The following GOLM2 variants were observed in gnomAD, a reference collection of about 807,000 sequenced individuals.
GOLM2 encodes protein GOLM2.
In GOLM2, 26 loss-of-function variants were observed where a neutral mutation model predicts 55.9. The observed-to-expected ratio is 0.47, with a 90% CI of 0.34 to 0.65. The LOEUF is 0.65. Ranked by LOEUF, GOLM2 falls within the 30% of genes least tolerant of loss-of-function variation. The probability of loss-of-function intolerance (pLI) is 0.01; values close to 1 mark genes in which losing one functional copy is unlikely to be tolerated. For synonymous variants in GOLM2, 165 were observed against 194.6 expected (o/e 0.85, Z 1.27); for missense variants, 486 against 531.8 (o/e 0.91, Z 0.85).
intron 3 of GOLM2, among the ~76,000 whole-genome samples, chr15:44,330,988 G>GTTGGTGGGTTTTTTTGTTTTGTGTT (rs2079019251): frequency 6.6e-6 from 1 of 152,044 alleles, no homozygotes; most frequent in Non-Finnish European, 1.5e-5. Flanking sequence ...CATATAGGAA[G>GTTGGTGGGTTTTTTTGTTTTGTGTT]TTGGTGGGTT....
chr15:44,380,681 A>AT, intron 7 of GOLM2, 125 bp from the exon 8 acceptor site: 1 of 562,078 alleles, frequency 1.8e-6, no homozygotes, highest in Non-Finnish European at 2.7e-6. Flanking sequence ...AAAAAAAAAA[A>AT]GCTTTGTGGC....
chr15:44,305,420 C>T (rs1312037122), intron 1 of GOLM2, among the ~76,000 whole-genome samples: 2 of 151,372 alleles, frequency 1.3e-5, no homozygotes. Flanking sequence ...CCACTTCAGC[C>T]TCCGAGTAGC....
intron 1 of GOLM2, among the ~76,000 whole-genome samples, chr15:44,303,287 T>C (rs533411254): frequency 6.6e-6 from 1 of 152,188 alleles, no homozygotes; most frequent in Non-Finnish European, 1.5e-5. Context: ...CTACCACAGA[T>C]ATTATCCACA....
intron 6 of GOLM2, among the ~76,000 whole-genome samples, chr15:44,371,613 G>A (rs1460679466): frequency 1.3e-5 from 2 of 152,150 alleles, no homozygotes; most frequent in African/African-American, 2.4e-5. Context: ...TGTATTTAAT[G>A]TTTATGTTTC....
chr15:44,401,215 G>C (rs2079563071), intron 8 of GOLM2, among the ~76,000 whole-genome samples: 3 of 151,834 alleles, frequency 2.0e-5, no homozygotes, highest in African/African-American at 7.3e-5. Flanking sequence ...GACCTCAAAT[G>C]ATCCTCCTGC....
chr15:44,359,145 G>C (rs138688847), intron 6 of GOLM2, among the ~76,000 whole-genome samples: 2 of 151,528 alleles, frequency 1.3e-5, no homozygotes, highest in Admixed American at 6.6e-5. Flanking sequence ...GCGAGACTCT[G>C]TCTCAAAAAA....
chr15:44,359,753 G>C (rs2079223858), intron 6 of GOLM2, among the ~76,000 whole-genome samples: 1 of 152,152 alleles, frequency 6.6e-6, no homozygotes, highest in Non-Finnish European at 1.5e-5. Flanking sequence ...ATAATTGTCA[G>C]ATTCACCAAA....
intron 8 of GOLM2, among the ~76,000 whole-genome samples, chr15:44,384,946 G>T (rs2079432009): frequency 6.6e-6 from 1 of 150,722 alleles, no homozygotes; most frequent in Admixed American, 6.6e-5. Flanking sequence ...GTGACCTTTT[G>T]TGTCTGGCTT....
At chr15:44,314,735 G>T (rs984080767) in intron 1 of GOLM2, among the ~76,000 whole-genome samples, 1 of 152,086 alleles carries the variant, frequency 6.6e-6, no homozygotes, top group African/African-American at 2.4e-5. Context: ...CACCTACCAG[G>T]TCTAGTATAT....
chr15:44,363,577 C>T (rs1216250197), intron 6 of GOLM2, among the ~76,000 whole-genome samples: 7 of 152,150 alleles, frequency 4.6e-5, no homozygotes, highest in Non-Finnish European at 7.3e-5. Flanking sequence ...GAAATAGGAA[C>T]ACTTTTACAC....
intron 6 of GOLM2, among the ~76,000 whole-genome samples, chr15:44,358,143 C>T (rs2079210042): frequency 6.6e-6 from 1 of 152,158 alleles, no homozygotes; most frequent in Non-Finnish European, 1.5e-5. Context: ...CACCTGAGGC[C>T]AGGAGTTTGA....
At chr15:44,299,669 T>TA (rs1331760418) in intron 1 of GOLM2, among the ~76,000 whole-genome samples, 2 of 152,122 alleles carry the variant, frequency 1.3e-5, no homozygotes, top group Non-Finnish European at 2.9e-5. Flanking sequence ...ACCATTATGT[T>TA]ACCTCTCCTT....
intron 6 of GOLM2, among the ~76,000 whole-genome samples, chr15:44,339,411 T>G (rs1459424170): frequency 6.6e-6 from 1 of 152,104 alleles, no homozygotes; most frequent in Non-Finnish European, 1.5e-5. Context: ...TGATCTTGTT[T>G]CACTGCAACC....
At chr15:44,311,140 G>A (rs1227415234) in intron 1 of GOLM2, among the ~76,000 whole-genome samples, 1 of 152,098 alleles carries the variant, frequency 6.6e-6, no homozygotes, top group Non-Finnish European at 1.5e-5. Context: ...ATCCTGCAAG[G>A]TAGTTTTATA....
chr15:44,306,979 GACAGATGTAAT>G (rs2078841586), intron 1 of GOLM2, among the ~76,000 whole-genome samples: 2 of 152,120 alleles, frequency 1.3e-5, no homozygotes, highest in African/African-American at 4.8e-5. Context: ...AGATCACCAT[GACAGATGTAAT>G]AAAGAAAATT....
At chr15:44,369,090 TA>T (rs2079309164) in intron 6 of GOLM2, among the ~76,000 whole-genome samples, 1 of 83,660 alleles carries the variant, frequency 1.2e-5, no homozygotes, top group Non-Finnish European at 2.5e-5. Flanking sequence ...TATATATATA[TA>T]TATATATATA....
rs141694692 is a variant in GOLM2 at position 44,338,624 on chromosome 15, A to C, written c.802+307A>C. Reference sequence around the variant, plus strand: ...TATAGAGTCATTTATGTTTACTAAAAGTATGCATGGCTCTTTTCTTTCCCA... The same window carrying C: ...TATAGAGTCATTTATGTTTACTAAACGTATGCATGGCTCTTTTCTTTCCCA... On this transcript the variant is annotated intron_variant, in intron 6 of 9. Coordinates refer to ENST00000299957, the MANE Select transcript of GOLM2 (RefSeq NM_138423.4). Among the ~76,000 whole-genome samples the C allele has an allele frequency of 5.3e-5, 8 of 152,296 alleles. No homozygotes were observed. In the East Asian group the frequency reaches 1.5e-3, roughly 29 times the overall value.
Position 44,380,853 on chromosome 15 carries a change from C to A in GOLM2, c.949C>A (p.Pro317Thr), listed in dbSNP as rs866858322. 1.3e-6 allele frequency: 2 copies of A among 1,586,398 alleles called. No individual in the cohort carries two copies. Among genetic ancestry groups the A allele is most frequent in the Middle Eastern group, 1.7e-4 (1 of 5,980 alleles). ...NGNPGTSKQN[P>T]SSPLQRLIPG... The stretch of plus-strand genomic sequence containing the variant: ...AAACCCCGGTACTTCAAAACAGAAT[C>A]CTTCCAGTCCTCTTCAGCGTTTAAT... Residue 317 changes from proline (P) to threonine (T), a missense_variant, in exon 8 of 10, where the codon CCT becomes ACT. Pro to Thr is a conservative substitution (Grantham distance 38). Transcript: ENST00000299957.
At chr15:44,310,454 C>CTATATATATATATATGTATATA (rs1329316063) in intron 1 of GOLM2, among the ~76,000 whole-genome samples, 1 of 142,606 alleles carries the variant, frequency 7.0e-6, no homozygotes. Context: ...CTCTCTCTCT[C>CTATATATATATATATGTATATA]TATATATATA....
Sources: allele counts gnomAD v4.1 joint callset (sites outside exome capture counted in the v4.1 genomes callset), GRCh38; gene constraint gnomAD v4.1.1; transcripts MANE v1.5; gene names NCBI Gene and HGNC (gene_info 2026-07-23, HGNC 2026-07-21).